The following SIRT5 variants were observed in gnomAD, a reference collection of about 807,000 sequenced individuals.
SIRT5 encodes sirtuin 5, also known as NAD-dependent protein deacylase sirtuin-5, mitochondrial.
In SIRT5, 26 loss-of-function variants were observed where a neutral mutation model predicts 40.0. That is an observed-to-expected ratio of 0.65 (90% CI 0.48 to 0.90). The LOEUF is 0.90. SIRT5 is among the 40% of genes least tolerant of loss of function. The pLI, the probability that SIRT5 is intolerant of heterozygous loss-of-function variation, is 0.00. For synonymous variants in SIRT5, 146 were observed against 149.1 expected, an observed-to-expected ratio of 0.98 and a Z score of 0.15; for missense variants, 401 against 402.4, an observed-to-expected ratio of 1.00 and a Z score of 0.03.
intron 1 of SIRT5, among the ~76,000 whole-genome samples, chr6:13,575,591 A>G (rs978904952): frequency 2.0e-5 from 3 of 151,984 alleles, no homozygotes; most frequent in Non-Finnish European, 4.4e-5. Flanking sequence ...GTACAGTGTA[A>G]TGTTTTGATA....
chr6:13,587,259 C>T (rs1164062380), intron 3 of SIRT5, among the ~76,000 whole-genome samples: 1 of 152,198 alleles, frequency 6.6e-6, no homozygotes, highest in East Asian at 1.9e-4. Flanking sequence ...CTCTGTTCTC[C>T]TCCTGGCAGC....
At position 13,611,982 on chromosome 6, in the gene SIRT5, C is replaced by A; in HGVS notation, c.*117C>A. On this transcript the variant is annotated 3_prime_UTR_variant, in exon 10 of 10. Transcript: ENST00000606117. Reference sequence around the variant, plus strand: ...AACAATCTAAAAATAGCCTCTGATTCCCTCGCTGGAATCCAACCTGTTGAT... The same window carrying A: ...AACAATCTAAAAATAGCCTCTGATTACCTCGCTGGAATCCAACCTGTTGAT... 1.1e-6 allele frequency: 1 copy of A among 925,128 alleles called. No individual in the cohort carries two copies. The highest frequency in any genetic ancestry group is 1.7e-6 in the Non-Finnish European group (1 of 604,276). 57.3% of individuals were successfully genotyped at this position (925,128 alleles called of 1,614,324 possible). A position where few individuals can be genotyped will look rare whatever the true frequency, so the allele number is the denominator to read the frequency against.
intron 5 of SIRT5, 93 bp downstream of exon 5, chr6:13,591,987 T>A: frequency 8.6e-7 from 1 of 1,165,916 alleles, no homozygotes; most frequent in Non-Finnish European, 1.2e-6. Flanking sequence ...CCTCCCTCCC[T>A]GCTGGACATC....
intron 3 of SIRT5, among the ~76,000 whole-genome samples, chr6:13,586,630 A>G (rs1286157183): frequency 6.6e-6 from 1 of 152,116 alleles, no homozygotes; most frequent in African/African-American, 2.4e-5. Flanking sequence ...TGCTGCCAAA[A>G]CATGAATGGA....
chr6:13,608,053 G>C (rs1216701360), intron 9 of SIRT5, among the ~76,000 whole-genome samples: 1 of 152,152 alleles, frequency 6.6e-6, no homozygotes, highest in East Asian at 1.9e-4. Context: ...GAGCCACTGT[G>C]CCTGGCTGAA....
intron 9 of SIRT5, among the ~76,000 whole-genome samples, chr6:13,601,522 C>A (rs1468484510): frequency 1.3e-5 from 2 of 151,882 alleles, no homozygotes; most frequent in Non-Finnish European, 2.9e-5. Context: ...CTCACCCCAA[C>A]TTTTTTTTGC....
At chr6:13,578,130 A>G (rs1439024475) in intron 1 of SIRT5, among the ~76,000 whole-genome samples, 3 of 152,198 alleles carry the variant, frequency 2.0e-5, no homozygotes, top group Non-Finnish European at 4.4e-5. Context: ...ATGTTGAGCC[A>G]TCTTTGCATT....
In SIRT5 at chr6:13,611,834, T is replaced by C; in HGVS notation, c.902T>C (p.Leu301Pro). Reference protein sequence around the residue: ...GPCGTTLPEALACHENETVS With the variant: ...GPCGTTLPEAPACHENETVS ...TGTGGAACGACTCTTCCTGAAGCCC[T>C]TGCCTGTCATGAAAATGAAACTGTT... The change falls in exon 10 of 10, where the codon CTT becomes CCT. Residue 301 changes from leucine (L) to proline (P), a missense_variant. Coordinates refer to ENST00000606117, the MANE Select transcript of SIRT5 (RefSeq NM_012241.5). The C allele has an allele frequency of 1.2e-6, 2 of 1,614,032 alleles. 1 individual carries two copies. Among genetic ancestry groups the C allele is most frequent in the Admixed American group, 3.3e-5 (2 of 60,016 alleles).
chr6:13,592,035 G>T (rs1480708432), intron 5 of SIRT5, 141 bp downstream of exon 5: 2 of 847,256 alleles, frequency 2.4e-6, no homozygotes, highest in East Asian at 5.5e-5. Flanking sequence ...TTTCCTTTGG[G>T]GACATGTTAG....
In SIRT5 at chr6:13,604,714, C is replaced by T; in HGVS notation, c.857+3765C>T. The T allele has an allele frequency of 5.8e-6, 8 of 1,369,476 alleles. No individual in the cohort carries two copies. In the South Asian group the frequency reaches 1.4e-4, roughly 23 times the overall value. The allele number at this position is 1,369,476 out of a possible 1,614,324, so 84.8% of individuals were successfully genotyped here. A position where few individuals can be genotyped will look rare whatever the true frequency, so the allele number is the denominator to read the frequency against. On this transcript the variant is annotated intron_variant, in intron 9 of 9. Transcript: ENST00000606117. Reference sequence around the variant, plus strand: ...AAGAAACTGAACTTGGTGGTTTTTCCTGCCAGTTCAGGAGAGATTCTTGGC... The same window carrying T: ...AAGAAACTGAACTTGGTGGTTTTTCTTGCCAGTTCAGGAGAGATTCTTGGC...
At position 13,613,321 on chromosome 6, in the gene SIRT5, A is replaced by G. The variant is rs1313287708; in HGVS notation, c.*1456A>G. On this transcript the variant is annotated 3_prime_UTR_variant, in exon 10 of 10. Transcript: ENST00000606117. ...TTTACTACCTTGGAGTAAAGTAGTA[A>G]GAATACAGCTTTTTCCTTAACCTTT... The G allele has an allele frequency of 6.6e-6, 1 of 152,236 alleles. No individual in the cohort carries two copies. The highest frequency in any genetic ancestry group is 1.5e-5 in the Non-Finnish European group (1 of 68,054). The allele number at this position is 152,236 out of a possible 1,614,324, so 9.4% of individuals were successfully genotyped here.
chr6:13,583,267 C>CG (rs1554214396), intron 2 of SIRT5, among the ~76,000 whole-genome samples: 4 of 136,238 alleles, frequency 2.9e-5, no homozygotes, highest in African/African-American at 8.2e-5. Flanking sequence ...GTTTTCATAC[C>CG]TTCTTTTTTT....
intron 3 of SIRT5, among the ~76,000 whole-genome samples, chr6:13,584,441 C>T (rs1158129077): frequency 6.6e-6 from 1 of 152,186 alleles, no homozygotes; most frequent in Non-Finnish European, 1.5e-5. Context: ...ACCTCCGCCT[C>T]CTGGGTTCAA....
chr6:13,605,327 G>C (rs199593797), intron 9 of SIRT5: 4 of 894,916 alleles, frequency 4.5e-6, no homozygotes, highest in Non-Finnish European at 5.4e-6. Flanking sequence ...AACAGAGACT[G>C]GCTGGTCTGC....
chr6:13,591,824 CGTG>C lies in SIRT5; in HGVS notation c.408_410del (p.Val137del), dbSNP rs1760947539. ...GGCTGGGCAAGCAGGGCCGGCGAGTCGTGGTCATCACCCAGAACATCGATGAGC... is the reference window on the plus strand; with the variant it reads ...GGCTGGGCAAGCAGGGCCGGCGAGTCGTCATCACCCAGAACATCGATGAGC... On this transcript the variant is annotated inframe_deletion, in exon 5 of 10. Transcript: ENST00000606117. 2.5e-6 allele frequency: 4 copies of C among 1,614,154 alleles called. No homozygotes were observed. Among genetic ancestry groups the C allele is most frequent in the Non-Finnish European group, 3.4e-6 (4 of 1,180,008 alleles).
intron 3 of SIRT5, 41 bp from the exon 4 acceptor site, chr6:13,588,290 C>A (rs1000892964): frequency 4.4e-6 from 7 of 1,594,024 alleles, no homozygotes; most frequent in Non-Finnish European, 6.0e-6. Flanking sequence ...TACAAATGTC[C>A]AAACTGTACA....
rs773399846 is a variant in SIRT5 at position 13,598,985 on chromosome 6, C to T, written c.618-47C>T. ...AGCCCCTGGCCTCCCTCCGATCCAG[C>T]TGGGCAGACTTGGCTCGGGGTTGGC... On this transcript the variant is annotated intron_variant, in intron 7 of 9. Coordinates refer to ENST00000606117, the MANE Select transcript of SIRT5 (RefSeq NM_012241.5). The T allele has an allele frequency of 5.6e-6, 9 of 1,605,678 alleles. No homozygotes were observed. The Admixed American group carries it at 1.3e-4, about 24-fold the overall frequency.
At chr6:13,577,985 T>A (rs1170861232) in intron 1 of SIRT5, among the ~76,000 whole-genome samples, 1 of 152,140 alleles carries the variant, frequency 6.6e-6, no homozygotes, top group East Asian at 1.9e-4. Flanking sequence ...TCACAGTACT[T>A]CTATACTTAT....
chr6:13,589,693 C>T (rs1760569302), intron 4 of SIRT5: 1 of 152,196 alleles, frequency 6.6e-6, no homozygotes. Flanking sequence ...GGGTCATTAC[C>T]TTAAAGGTGA....
Sources: allele counts gnomAD v4.1 joint callset (sites outside exome capture counted in the v4.1 genomes callset), GRCh38; gene constraint gnomAD v4.1.1; transcripts MANE v1.5; gene names NCBI Gene and HGNC (gene_info 2026-07-23, HGNC 2026-07-21).